The following LRRC49 variants were observed in gnomAD, a reference collection of about 807,000 sequenced individuals.
LRRC49 encodes the protein leucine-rich repeat-containing protein 49.
A neutral mutation model predicts 83.3 loss-of-function variants in LRRC49; 50 were observed. The observed-to-expected ratio is 0.60, with a 90% confidence interval of 0.48 to 0.76. The LOEUF is 0.76. LRRC49 is among the 30% of genes least tolerant of loss of function. The pLI is 0.00. For synonymous variants in LRRC49, 286 were observed against 283.3 expected, an observed-to-expected ratio of 1.01 and a Z score of -0.10; for missense variants, 704 against 809.1, an observed-to-expected ratio of 0.87 and a Z score of 1.58.
At chr15:70,932,726 CTTTTT>C (rs5813614) in intron 7 of LRRC49, among the ~76,000 whole-genome samples, 1 of 97,194 alleles carries the variant, frequency 1.0e-5, no homozygotes, top group Non-Finnish European at 2.1e-5. Flanking sequence ...CTTTCTCTGT[CTTTTT>C]TTTTTTTTTT....
intron 14 of LRRC49, among the ~76,000 whole-genome samples, chr15:71,019,845 G>A (rs935669642): frequency 6.6e-6 from 1 of 152,142 alleles, no homozygotes; most frequent in Non-Finnish European, 1.5e-5. Context: ...TCTGGAAGAA[G>A]TTACTTTCAT....
chr15:71,032,175 G>A (rs1032279066), intron 14 of LRRC49, among the ~76,000 whole-genome samples: 12 of 152,234 alleles, frequency 7.9e-5, no homozygotes, highest in Admixed American at 7.9e-4. Context: ...AATGGGAAAA[G>A]TGTAGTAACC....
chr15:70,929,103 G>C (rs1185910795), intron 7 of LRRC49, among the ~76,000 whole-genome samples: 1 of 151,892 alleles, frequency 6.6e-6, no homozygotes, highest in African/African-American at 2.4e-5. Flanking sequence ...TATCTAATTT[G>C]ATTTTCAGTC....
chr15:70,988,962 A>G (rs1324689715), intron 11 of LRRC49, among the ~76,000 whole-genome samples: 13 of 151,710 alleles, frequency 8.6e-5, no homozygotes, highest in African/African-American at 2.2e-4. Context: ...TTGAATATTG[A>G]CCCCCACTCT....
upstream of LRRC49, among the ~76,000 whole-genome samples, chr15:70,889,478 G>A (rs1285590739): frequency 6.6e-6 from 1 of 152,098 alleles, no homozygotes. Flanking sequence ...TTGGGTTGTG[G>A]TTACACATGT....
Position 71,051,348 on chromosome 15 carries a change from G to C in LRRC49, c.*1736G>C, listed in dbSNP as rs910210314. ...CTTTTGGCTGTAGGTTGAACAATAG[G>C]GTTGGTGCCCTAGGACAGAGGAGCT... On this transcript the variant is annotated 3_prime_UTR_variant, in exon 16 of 16. Coordinates refer to ENST00000260382, the MANE Select transcript of LRRC49 (RefSeq NM_017691.5). 6.6e-6 allele frequency: 1 copy of C among 152,192 alleles called. No homozygotes were observed. The allele number at this position is 152,192 out of a possible 1,614,324, so 9.4% of individuals were successfully genotyped here. A position where few individuals can be genotyped will look rare whatever the true frequency, so the allele number is the denominator to read the frequency against.
At chr15:70,907,815 A>C (rs1408496281) in intron 5 of LRRC49, 2 of 376,246 alleles carry the variant, frequency 5.3e-6, no homozygotes, top group East Asian at 7.3e-5. Flanking sequence ...TATTCAATGG[A>C]AGAACTTCTT....
At chr15:70,987,596 T>G (rs1370545305) in intron 11 of LRRC49, among the ~76,000 whole-genome samples, 1 of 152,174 alleles carries the variant, frequency 6.6e-6, no homozygotes, top group African/African-American at 2.4e-5. Context: ...GCTCCTGGAT[T>G]CATTAATTTT....
intron 6 of LRRC49, 109 bp from the exon 7 acceptor site, chr15:70,918,941 A>T (rs2034899926): frequency 3.7e-6 from 3 of 800,826 alleles, no homozygotes; most frequent in Non-Finnish European, 5.9e-6. Flanking sequence ...CTACATATAA[A>T]CTTGCCACTA....
upstream of LRRC49, chr15:70,892,480 C>T: frequency 2.0e-6 from 3 of 1,529,970 alleles, no homozygotes; most frequent in Non-Finnish European, 2.6e-6. Flanking sequence ...CCTCCTCCTC[C>T]CTGCGCTGCT....
At chr15:70,960,565 G>T (rs1417797098) in intron 8 of LRRC49, among the ~76,000 whole-genome samples, 1 of 152,110 alleles carries the variant, frequency 6.6e-6, no homozygotes, top group Non-Finnish European at 1.5e-5. Context: ...ATGACAGTGT[G>T]GTATTGGTGA....
intron 10 of LRRC49, among the ~76,000 whole-genome samples, chr15:70,983,858 G>A (rs2037492988): frequency 6.6e-6 from 1 of 151,972 alleles, no homozygotes; most frequent in Non-Finnish European, 1.5e-5. Context: ...TTCCTAAAGA[G>A]CAATAATTGT....
At chr15:70,986,150 G>T (rs1184669034) in intron 11 of LRRC49, among the ~76,000 whole-genome samples, 1 of 150,254 alleles carries the variant, frequency 6.7e-6, no homozygotes. Flanking sequence ...CTTTAAAGTA[G>T]TTTTTTCCAA....
chr15:71,007,200 G>A (rs932863112), intron 11 of LRRC49, among the ~76,000 whole-genome samples: 2 of 151,826 alleles, frequency 1.3e-5, no homozygotes, highest in Admixed American at 6.6e-5. Flanking sequence ...ACAGGGCAGC[G>A]CTTTCTTAGT....
chr15:71,045,074 T>G (rs1425766450), intron 15 of LRRC49, among the ~76,000 whole-genome samples: 1 of 151,670 alleles, frequency 6.6e-6, no homozygotes, highest in Non-Finnish European at 1.5e-5. Context: ...TTGTGTTTTT[T>G]TAGTAGAGAC....
In LRRC49 at chr15:71,051,575, T is replaced by C. The variant is rs1324744633; in HGVS notation, c.*1963T>C. 6.6e-6 allele frequency: 1 copy of C among 152,242 alleles called. No homozygotes were observed. Among genetic ancestry groups the C allele is most frequent in the Non-Finnish European group, 1.5e-5 (1 of 68,078 alleles). The allele number at this position is 152,242 out of a possible 1,614,324, so 9.4% of individuals were successfully genotyped here. A position where few individuals can be genotyped will look rare whatever the true frequency, so the allele number is the denominator to read the frequency against. On this transcript the variant is annotated 3_prime_UTR_variant, in exon 16 of 16. Transcript: ENST00000260382. ...TGGCAGATTGGAAAGATGTAAGAAC[T>C]TGTGACTCTTTGGGAGTCTGGGTAA... is the stretch of plus-strand genomic sequence containing the variant.
intron 2 of LRRC49, among the ~76,000 whole-genome samples, chr15:70,873,542 G>A (rs567582211): frequency 6.1e-4 from 93 of 152,280 alleles, no homozygotes; most frequent in Non-Finnish European, 3.7e-4. Context: ...CATGCTTGGC[G>A]GATTTGCTGG....
intron 14 of LRRC49, among the ~76,000 whole-genome samples, chr15:71,026,698 T>C (rs894004130): frequency 6.6e-6 from 1 of 152,248 alleles, no homozygotes; most frequent in Non-Finnish European, 1.5e-5. Flanking sequence ...CCAGTGATGA[T>C]GAGCTTTTTT....
At chr15:71,018,901 C>T (rs1199512977) in intron 14 of LRRC49, among the ~76,000 whole-genome samples, 1 of 152,098 alleles carries the variant, frequency 6.6e-6, no homozygotes, top group Non-Finnish European at 1.5e-5. Context: ...CTTAGAGTGG[C>T]TCACAGAACA....
Sources: gnomAD v4.1 joint callset for allele counts (sites outside exome capture counted in the v4.1 genomes callset) on GRCh38, gnomAD v4.1.1 for gene constraint, MANE v1.5 for transcripts, NCBI Gene and HGNC (gene_info 2026-07-23, HGNC 2026-07-21) for gene names.